SEZ6L: variants seen among roughly 807,000 people sequenced by gnomAD.
The protein encoded by SEZ6L is seizure 6-like protein.
A neutral mutation model predicts 106.2 loss-of-function variants in SEZ6L; 37 were observed. That is an observed-to-expected ratio of 0.35 (90% CI 0.27 to 0.46). The LOEUF is 0.46. Among genes scored for constraint, SEZ6L ranks in the 20% least tolerant of loss-of-function variants. SEZ6L has a pLI of 1.00. For missense variants in SEZ6L, 1,172 were observed against 1,332.8 expected, an observed-to-expected ratio of 0.88 and a Z score of 1.88; for synonymous variants, 541 against 570.4, an observed-to-expected ratio of 0.95 and a Z score of 0.73.
intron 1 of SEZ6L, among the ~76,000 whole-genome samples, chr22:26,220,738 C>T (rs1320263369): frequency 6.6e-6 from 1 of 152,172 alleles, no homozygotes; most frequent in Non-Finnish European, 1.5e-5. Flanking sequence ...TGAGCTCATC[C>T]ATGACAGGGG....
chr22:26,240,383 A>G (rs1478795407), intron 1 of SEZ6L, among the ~76,000 whole-genome samples: 1 of 152,108 alleles, frequency 6.6e-6, no homozygotes, highest in Non-Finnish European at 1.5e-5. Context: ...ATGCTGAATC[A>G]GCCCCCTATT....
At chr22:26,287,380 A>G (rs2080971222) in intron 1 of SEZ6L, among the ~76,000 whole-genome samples, 1 of 152,192 alleles carries the variant, frequency 6.6e-6, no homozygotes, top group African/African-American at 2.4e-5. Flanking sequence ...CCATAGGAGA[A>G]AGTGAACACC....
chr22:26,364,129 G>A (rs1568946570), intron 12 of SEZ6L, among the ~76,000 whole-genome samples: 1 of 152,032 alleles, frequency 6.6e-6, no homozygotes, highest in Non-Finnish European at 1.5e-5. Flanking sequence ...TGGTTAAGAT[G>A]GTTAGTTTTA....
intron 10 of SEZ6L, among the ~76,000 whole-genome samples, chr22:26,345,583 CCCCCA>C (rs1406724437): frequency 3.3e-5 from 5 of 152,102 alleles, no homozygotes; most frequent in African/African-American, 1.2e-4. Context: ...GGCTCCTGTC[CCCCCA>C]CCAAGCAATT....
At chr22:26,368,830 C>G (rs1165669538) in intron 13 of SEZ6L, among the ~76,000 whole-genome samples, 1 of 151,910 alleles carries the variant, frequency 6.6e-6, no homozygotes, top group African/African-American at 2.4e-5. Context: ...ACCTGTTTTA[C>G]AGATGTGGAA....
intron 1 of SEZ6L, among the ~76,000 whole-genome samples, chr22:26,283,081 C>A (rs1424839474): frequency 1.3e-5 from 2 of 152,060 alleles, no homozygotes; most frequent in East Asian, 3.9e-4. Context: ...GCCGCCACAC[C>A]TGGCTAATTT....
rs1370961368 is a variant in SEZ6L at position 26,205,194 on chromosome 22, TACAGTCCATCAACTTAA to T, written c.94+35435_94+35451del. Among the ~76,000 whole-genome samples, 4 of 152,368 alleles carry T rather than the reference TACAGTCCATCAACTTAA, an allele frequency of 2.6e-5. No homozygotes were observed. In the East Asian group the frequency reaches 7.7e-4, roughly 29 times the overall value. ...CAAGAATAGGGATGCCTGTCTTTGGTACAGTCCATCAACTTAAACACTGCCAATTACCAACGCCTTCC... is the reference window on the plus strand; with the variant it reads ...CAAGAATAGGGATGCCTGTCTTTGGTACACTGCCAATTACCAACGCCTTCC... On this transcript the variant is annotated intron_variant, in intron 1 of 16. Coordinates refer to ENST00000248933, the MANE Select transcript of SEZ6L (RefSeq NM_021115.5).
intron 1 of SEZ6L, among the ~76,000 whole-genome samples, chr22:26,196,321 C>A (rs1250436288): frequency 6.6e-6 from 1 of 152,202 alleles, no homozygotes; most frequent in Non-Finnish European, 1.5e-5. Context: ...TCCTATACAG[C>A]CTGCAGAACC....
At chr22:26,248,092 G>A (rs2079427046) in intron 1 of SEZ6L, among the ~76,000 whole-genome samples, 1 of 152,164 alleles carries the variant, frequency 6.6e-6, no homozygotes, top group African/African-American at 2.4e-5. Flanking sequence ...GCAGGGCAGG[G>A]ACAAGGAAAA....
intron 1 of SEZ6L, among the ~76,000 whole-genome samples, chr22:26,172,513 A>G (rs1486049492): frequency 1.3e-5 from 2 of 152,196 alleles, no homozygotes; most frequent in Middle Eastern, 3.4e-3. Flanking sequence ...AATGAGCTCG[A>G]TTTACTGGCC....
intron 2 of SEZ6L, 94 bp downstream of exon 2, chr22:26,293,240 CG>C: frequency 7.0e-7 from 1 of 1,422,438 alleles, no homozygotes; most frequent in South Asian, 1.5e-5. Flanking sequence ...CAAGAAGCCC[CG>C]GCCCCACCAT....
intron 1 of SEZ6L, among the ~76,000 whole-genome samples, chr22:26,264,831 AG>A (rs2080125023): frequency 1.3e-5 from 2 of 152,230 alleles, no homozygotes; most frequent in South Asian, 4.1e-4. Context: ...TATCACAGGA[AG>A]GGGAAATGAT....
At position 26,237,755 on chromosome 22, in the gene SEZ6L, C is replaced by G. The variant is rs559158910; in HGVS notation, c.95-54651C>G. 3.9e-5 allele frequency among the ~76,000 whole-genome samples: 6 copies of G among 152,132 alleles called. No homozygotes were observed. In the South Asian group the frequency reaches 1.0e-3, roughly 26 times the overall value. ...CTGAGGCAGCCTCATCTGCCACCCACCCCACCCCACCTGCTCCTAGGCCTC... is the reference window on the plus strand; with the variant it reads ...CTGAGGCAGCCTCATCTGCCACCCAGCCCACCCCACCTGCTCCTAGGCCTC... On this transcript the variant is annotated intron_variant, in intron 1 of 16. Transcript: ENST00000248933.
Position 26,305,394 on chromosome 22 carries a change from G to T in SEZ6L, c.1349-585G>T, listed in dbSNP as rs187015193. On this transcript the variant is annotated intron_variant, in intron 5 of 16. Transcript: ENST00000248933. ...TTTCACTAAATTGCCCTCCCGAAAGGTCATAACAGTTTGCATTCTAACCAG... is the reference window on the plus strand; with the variant it reads ...TTTCACTAAATTGCCCTCCCGAAAGTTCATAACAGTTTGCATTCTAACCAG... Among the ~76,000 whole-genome samples, 52 of 152,264 alleles carry T rather than the reference G, an allele frequency of 3.4e-4. No individual in the cohort carries two copies. In the East Asian group the frequency reaches 0.01, roughly 29 times the overall value.
intron 1 of SEZ6L, among the ~76,000 whole-genome samples, chr22:26,192,995 C>A (rs1429224846): frequency 6.6e-6 from 1 of 152,192 alleles, no homozygotes; most frequent in Non-Finnish European, 1.5e-5. Context: ...TTCAAGGGTT[C>A]ACTGTAAATC....
chr22:26,333,659 C>T (rs2145973692), intron 9 of SEZ6L, among the ~76,000 whole-genome samples: 1 of 152,232 alleles, frequency 6.6e-6, no homozygotes, highest in African/African-American at 2.4e-5. Flanking sequence ...ATACAGCCAG[C>T]AGTGAGTGAG....
chr22:26,188,342 C>G (rs1939940749), intron 1 of SEZ6L, among the ~76,000 whole-genome samples: 1 of 152,156 alleles, frequency 6.6e-6, no homozygotes, highest in Non-Finnish European at 1.5e-5. Flanking sequence ...CTTGGAGATT[C>G]TTCTGCTCAG....
chr22:26,332,453 A>T (rs1601525397), intron 9 of SEZ6L, among the ~76,000 whole-genome samples: 1 of 145,912 alleles, frequency 6.9e-6, no homozygotes, highest in Non-Finnish European at 1.5e-5. Flanking sequence ...CCCAGTCCAG[A>T]TTTTTTTTTT....
At chr22:26,365,911 G>C (rs1485317345) in intron 13 of SEZ6L, among the ~76,000 whole-genome samples, 1 of 151,982 alleles carries the variant, frequency 6.6e-6, no homozygotes, top group African/African-American at 2.4e-5. Context: ...GAGCTGAGCT[G>C]CTGTACTTCA....
Sources: gnomAD v4.1 joint callset for allele counts (sites outside exome capture counted in the v4.1 genomes callset) on GRCh38, gnomAD v4.1.1 for gene constraint, MANE v1.5 for transcripts, NCBI Gene and HGNC (gene_info 2026-07-23, HGNC 2026-07-21) for gene names.